Variants in EXT1 observed in about 807,000 individuals in gnomAD.
EXT1 encodes the protein exostosin-1.
EXT1 carries 20 observed loss-of-function variants against 82.5 expected under a neutral mutation model. The ratio of observed to expected loss-of-function variants is 0.24; its 90% CI spans 0.17 to 0.35. The LOEUF is 0.35. Among genes scored for constraint, EXT1 ranks in the 10% least tolerant of loss-of-function variants. The pLI, the probability that EXT1 is intolerant of heterozygous loss-of-function variation, is 1.00. For synonymous variants in EXT1, 348 were observed against 350.8 expected (o/e 0.99, Z 0.09); for missense variants, 757 against 936.5 (o/e 0.81, Z 2.50).
chr8:117,800,822 T>G (rs559401279), intron 10 of EXT1, among the ~76,000 whole-genome samples: 15 of 152,402 alleles, frequency 9.8e-5, no homozygotes, highest in Non-Finnish European at 1.8e-4. Context: ...TTTTAGATCA[T>G]GCAAATGATT....
chr8:117,807,511 G>T, intron 8 of EXT1, 134 bp from the exon 9 acceptor site: 1 of 993,442 alleles, frequency 1.0e-6, no homozygotes, highest in Non-Finnish European at 1.5e-6. Context: ...GTATTCATCA[G>T]CAAATTAAAC....
At chr8:118,078,411 C>G (rs1489712014) in intron 1 of EXT1, among the ~76,000 whole-genome samples, 1 of 152,064 alleles carries the variant, frequency 6.6e-6, no homozygotes, top group Non-Finnish European at 1.5e-5. Context: ...GTTACCCAGG[C>G]TGGTCTCGAA....
chr8:117,950,688 T>A (rs1480419023), intron 1 of EXT1, among the ~76,000 whole-genome samples: 1 of 152,194 alleles, frequency 6.6e-6, no homozygotes, highest in East Asian at 1.9e-4. Context: ...GAAATGAGTT[T>A]AAAAACAGGC....
chr8:117,908,006 A>G (rs1031435475), intron 1 of EXT1, among the ~76,000 whole-genome samples: 4 of 152,242 alleles, frequency 2.6e-5, no homozygotes, highest in African/African-American at 9.6e-5. Flanking sequence ...AATCGTAAAC[A>G]TCGGATACAT....
At chr8:118,013,816 CTAGTCATTAT>C (rs1322147009) in intron 1 of EXT1, among the ~76,000 whole-genome samples, 1 of 152,162 alleles carries the variant, frequency 6.6e-6, no homozygotes, top group Non-Finnish European at 1.5e-5. Context: ...TATACTTATA[CTAGTCATTAT>C]TTATATGACA....
chr8:118,036,816 T>C (rs1022693975), intron 1 of EXT1, among the ~76,000 whole-genome samples: 45 of 152,278 alleles, frequency 3.0e-4, no homozygotes, highest in African/African-American at 1.0e-3. Flanking sequence ...CTTTCTCCAT[T>C]GTTCTTTTGA....
rs1195143481 is a variant in EXT1 at position 117,861,873 on chromosome 8, T to C, written c.963-24672A>G. Reference sequence around the variant, plus strand: ...TTGTGGTGCTCATATCTCTGAGACATCTTGCAGAGAGGTAATCCCTAAATG... The same window carrying C: ...TTGTGGTGCTCATATCTCTGAGACACCTTGCAGAGAGGTAATCCCTAAATG... On this transcript the variant is annotated intron_variant, in intron 1 of 10. Coordinates refer to ENST00000378204, the MANE Select transcript of EXT1 (RefSeq NM_000127.3). Among the ~76,000 whole-genome samples, 21 of 91,102 alleles carry C rather than the reference T, an allele frequency of 2.3e-4. 5 individuals are homozygous for C. Among genetic ancestry groups the C allele is most frequent in the Admixed American group, 2.3e-3 (21 of 9,124 alleles). 59.8% of individuals were successfully genotyped at this position (91,102 alleles called of 152,430 possible). A position where few individuals can be genotyped will look rare whatever the true frequency, so the allele number is the denominator to read the frequency against.
chr8:118,036,054 C>A (rs1456997512), intron 1 of EXT1, among the ~76,000 whole-genome samples: 4 of 151,746 alleles, frequency 2.6e-5, no homozygotes, highest in Non-Finnish European at 4.4e-5. Flanking sequence ...TCTTGCCTCC[C>A]TTTCTCTGTA....
At chr8:117,838,643 A>T (rs1456324377) in intron 1 of EXT1, among the ~76,000 whole-genome samples, 4 of 149,816 alleles carry the variant, frequency 2.7e-5, no homozygotes, top group African/African-American at 4.9e-5. Context: ...GTTAAATATA[A>T]AAAAAAAATA....
chr8:117,804,075 G>A (rs956612561), intron 10 of EXT1, among the ~76,000 whole-genome samples: 1 of 152,182 alleles, frequency 6.6e-6, no homozygotes, highest in Non-Finnish European at 1.5e-5. Flanking sequence ...TAAGTTATTT[G>A]TAGGGCTTTA....
intron 1 of EXT1, among the ~76,000 whole-genome samples, chr8:117,879,735 C>T (rs1451886588): frequency 2.0e-5 from 3 of 152,138 alleles, no homozygotes; most frequent in Admixed American, 1.3e-4. Context: ...TATGCATTTT[C>T]CCCCCAAAAC....
chr8:117,821,580 T>C (rs1240799768), intron 5 of EXT1, among the ~76,000 whole-genome samples: 3 of 152,226 alleles, frequency 2.0e-5, no homozygotes, highest in Admixed American at 6.5e-5. Context: ...AGGTGCTTTG[T>C]CACTGGTTGA....
Position 117,799,429 on chromosome 8 carries a change from G to T in EXT1, c.*283C>A. ...CATTAAAAAAGTTTAAACCTGCATA[G>T]CAATCATTTCAAAAATAATTATTTA... is the stretch of plus-strand genomic sequence containing the variant. On this transcript the variant is annotated 3_prime_UTR_variant, in exon 11 of 11. Coordinates refer to ENST00000378204, the MANE Select transcript of EXT1 (RefSeq NM_000127.3). The T allele has an allele frequency of 2.4e-6, 1 of 420,200 alleles. No individual in the cohort carries two copies. Among genetic ancestry groups the T allele is most frequent in the Non-Finnish European group, 4.3e-6 (1 of 231,432 alleles). The allele number at this position is 420,200 out of a possible 1,614,324, so 26.0% of individuals were successfully genotyped here.
chr8:118,111,216 G>A lies in EXT1; in HGVS notation c.-170C>T. The A allele has an allele frequency of 4.3e-6, 4 of 937,796 alleles. No individual in the cohort carries two copies. The highest frequency in any genetic ancestry group is 2.9e-5 in the South Asian group (2 of 67,940). 58.1% of individuals were successfully genotyped at this position (937,796 alleles called of 1,614,324 possible). A position where few individuals can be genotyped will look rare whatever the true frequency, so the allele number is the denominator to read the frequency against. ...CAAGCCGTGGACTGATCCAGCGCAT[G>A]TGGGCGATTTCTTTAACTTTCTCCC... On this transcript the variant is annotated 5_prime_UTR_variant, in exon 1 of 11. Transcript: ENST00000378204.
intron 1 of EXT1, among the ~76,000 whole-genome samples, chr8:117,907,419 A>G (rs1451889069): frequency 6.6e-6 from 1 of 152,166 alleles, no homozygotes; most frequent in Non-Finnish European, 1.5e-5. Flanking sequence ...TTTCATCATG[A>G]TGGTTCCCCT....
intron 1 of EXT1, among the ~76,000 whole-genome samples, chr8:118,051,338 A>C (rs570278847): frequency 6.6e-6 from 1 of 152,226 alleles, no homozygotes; most frequent in South Asian, 2.1e-4. Flanking sequence ...ATCCTATCTC[A>C]AAAAAACAAA....
intron 7 of EXT1, among the ~76,000 whole-genome samples, chr8:117,813,399 T>G (rs958562412): frequency 1.3e-5 from 2 of 152,112 alleles, no homozygotes; most frequent in African/African-American, 2.4e-5. Flanking sequence ...CAGGTATAGA[T>G]AGTAATGAAG....
chr8:118,062,131 G>C (rs905063245), intron 1 of EXT1, among the ~76,000 whole-genome samples: 1 of 152,074 alleles, frequency 6.6e-6, no homozygotes, highest in Non-Finnish European at 1.5e-5. Flanking sequence ...ACGTGGACAC[G>C]TGTTCCATGA....
intron 1 of EXT1, among the ~76,000 whole-genome samples, chr8:117,983,179 A>AT (rs1815243643): frequency 6.6e-6 from 1 of 152,210 alleles, no homozygotes; most frequent in African/African-American, 2.4e-5. Flanking sequence ...TAACAGCATA[A>AT]ACTATCAGAA....
Sources: allele counts gnomAD v4.1 joint callset (sites outside exome capture counted in the v4.1 genomes callset), GRCh38; gene constraint gnomAD v4.1.1; transcripts MANE v1.5; gene names NCBI Gene and HGNC (gene_info 2026-07-23, HGNC 2026-07-21).